Variants in CFAP91 observed in about 807,000 individuals in gnomAD.
CFAP91 encodes the protein cilia and flagella associated protein 91.
Under a neutral mutation model 95.9 loss-of-function variants are expected in CFAP91, and 85 were observed. The ratio of observed to expected loss-of-function variants is 0.89; its 90% CI spans 0.74 to 1.06. The LOEUF (loss-of-function observed/expected upper bound fraction) is 1.06, where lower values mean the gene tolerates loss of function less well. Among genes scored for constraint, CFAP91 ranks in the 50% least tolerant of loss-of-function variants. CFAP91 has a pLI of 0.00. For synonymous variants in CFAP91, 335 were observed against 327.5 expected (o/e 1.02, Z -0.25); for missense variants, 962 against 943.4 (o/e 1.02, Z -0.26).
chr3:119,733,965 A>T (rs756048533), intron 10 of CFAP91, among the ~76,000 whole-genome samples: 1 of 152,214 alleles, frequency 6.6e-6, no homozygotes, highest in Non-Finnish European at 1.5e-5. Context: ...ACAGTACGTC[A>T]TCCACCAGCT....
At chr3:119,750,561 C>T (rs144423504) in intron 16 of CFAP91, 2 of 218,704 alleles carry the variant, frequency 9.1e-6, no homozygotes, top group Non-Finnish European at 1.8e-5. Flanking sequence ...AGATATCAAA[C>T]GAAATGTAAC....
At position 119,728,659 on chromosome 3, in the gene CFAP91, A is replaced by G. The variant is rs74418777; in HGVS notation, c.861-1561A>G. Among the ~76,000 whole-genome samples the G allele has an allele frequency of 7.3e-3, 1,107 of 152,248 alleles. 7 individuals carry two copies. Among genetic ancestry groups the G allele is most frequent in the Middle Eastern group, 0.037 (11 of 294 alleles). The stretch of plus-strand genomic sequence containing the variant: ...CTACACTCTCGCCCCTCTCAAGTGC[A>G]TTCACTCTGAGAAACCCTGCCAGTG... On this transcript the variant is annotated intron_variant, in intron 7 of 17. Coordinates refer to ENST00000273390, the MANE Select transcript of CFAP91 (RefSeq NM_033364.4).
intron 4 of CFAP91, among the ~76,000 whole-genome samples, chr3:119,709,162 T>C (rs2053429861): frequency 6.6e-6 from 1 of 152,222 alleles, no homozygotes; most frequent in Non-Finnish European, 1.5e-5. Context: ...ATTTGTGATT[T>C]ATGCTTATGT....
intron 17 of CFAP91, among the ~76,000 whole-genome samples, chr3:119,752,146 TCTG>T (rs2054338191): frequency 6.6e-6 from 1 of 152,184 alleles, no homozygotes; most frequent in South Asian, 2.1e-4. Flanking sequence ...TAGAGGCACA[TCTG>T]CTGCTGTTTT....
Position 119,726,237 on chromosome 3 carries a change from G to T in CFAP91, c.749G>T (p.Trp250Leu). The change falls in exon 7 of 18, where the codon TGG (tryptophan) becomes TTG (leucine). Residue 250 changes from tryptophan (W) to leucine (L), a missense_variant. Physicochemically the swap from Trp to Leu is moderately conservative, Grantham distance 61 (BLOSUM62 -2). Transcript: ENST00000273390. ...MIERAREKRA[W>L]EASLPALSDT... is the part of the protein sequence containing the mutation. ...GAAAGAGCCCGCGAGAAGCGTGCTT[G>T]GGAAGCCTCTCTCCCCGCTCTGAGT... The T allele has an allele frequency of 6.2e-7, 1 of 1,613,810 alleles. No homozygotes were observed. The highest frequency in any genetic ancestry group is 8.5e-7 in the Non-Finnish European group (1 of 1,179,856).
At chr3:119,762,060 G>T (rs2054546912) in intron 17 of CFAP91, among the ~76,000 whole-genome samples, 1 of 151,800 alleles carries the variant, frequency 6.6e-6, no homozygotes, top group African/African-American at 2.4e-5. Context: ...GTTTTTCTTT[G>T]CAGGTGACAT....
At chr3:119,726,405 CT>C in intron 7 of CFAP91, 57 bp downstream of exon 7, 1 of 1,461,492 alleles carries the variant, frequency 6.8e-7, no homozygotes, top group Non-Finnish European at 9.2e-7. Flanking sequence ...AATGTTAATA[CT>C]TTATATCTGC....
chr3:119,725,868 A>C (rs894526847), intron 6 of CFAP91, among the ~76,000 whole-genome samples: 1 of 152,202 alleles, frequency 6.6e-6, no homozygotes, highest in Non-Finnish European at 1.5e-5. Context: ...CAGTATATAA[A>C]TTTGTTTATT....
At chr3:119,758,607 CT>C (rs2054476911) in intron 17 of CFAP91, among the ~76,000 whole-genome samples, 1 of 151,894 alleles carries the variant, frequency 6.6e-6, no homozygotes, top group Non-Finnish European at 1.5e-5. Context: ...TAATGACCTG[CT>C]AAAAAGAAAA....
intron 7 of CFAP91, among the ~76,000 whole-genome samples, chr3:119,729,856 C>A (rs995446537): frequency 6.6e-6 from 1 of 152,152 alleles, no homozygotes; most frequent in African/African-American, 2.4e-5. Context: ...AACCGCATTT[C>A]CTCTTCACTC....
chr3:119,738,609 A>G (rs967088823), intron 11 of CFAP91, among the ~76,000 whole-genome samples: 1 of 151,890 alleles, frequency 6.6e-6, no homozygotes, highest in Admixed American at 6.6e-5. Context: ...CTGGCCTCCC[A>G]AAGTGCTAGG....
At chr3:119,759,923 A>G (rs116765696) in intron 17 of CFAP91, among the ~76,000 whole-genome samples, 167 of 152,040 alleles carry the variant, frequency 1.1e-3, no homozygotes, top group African/African-American at 3.7e-3. Flanking sequence ...GGCGCTAGAG[A>G]AAGTCACCTA....
chr3:119,706,675 C>T (rs1023871346), intron 1 of CFAP91, 134 bp from the exon 2 acceptor site: 2 of 667,176 alleles, frequency 3.0e-6, no homozygotes, highest in Non-Finnish European at 5.3e-6. Context: ...AGAGCATGAG[C>T]TGCTGCAGAG....
chr3:119,734,207 C>T (rs1027706196), intron 10 of CFAP91, among the ~76,000 whole-genome samples: 12 of 152,134 alleles, frequency 7.9e-5, no homozygotes, highest in African/African-American at 2.7e-4. Context: ...AACCACACCT[C>T]GAGGCCCACT....
At chr3:119,739,386 C>T in intron 12 of CFAP91, 60 bp downstream of exon 12, 1 of 1,476,508 alleles carries the variant, frequency 6.8e-7, no homozygotes, top group South Asian at 1.1e-5. Context: ...TTTTAGAATG[C>T]ATATGTGCTT....
At chr3:119,729,968 C>T (rs2053862398) in intron 7 of CFAP91, among the ~76,000 whole-genome samples, 1 of 152,180 alleles carries the variant, frequency 6.6e-6, no homozygotes, top group African/African-American at 2.4e-5. Flanking sequence ...CCTTCTTTTA[C>T]CCCATCTGCC....
chr3:119,741,250 A>C (rs2054116006), intron 13 of CFAP91, among the ~76,000 whole-genome samples: 1 of 152,202 alleles, frequency 6.6e-6, no homozygotes, highest in South Asian at 2.1e-4. Context: ...CATTCTTTTC[A>C]ACTTTAAGAT....
intron 17 of CFAP91, among the ~76,000 whole-genome samples, chr3:119,760,415 C>A (rs146186588): frequency 1.1e-3 from 170 of 151,820 alleles, no homozygotes; most frequent in African/African-American, 3.5e-3. Flanking sequence ...GGAGGGAGAG[C>A]TAGACTGTAA....
chr3:119,743,364 C>T (rs1032357541), intron 13 of CFAP91, among the ~76,000 whole-genome samples: 4 of 152,010 alleles, frequency 2.6e-5, no homozygotes, highest in Admixed American at 6.5e-5. Flanking sequence ...GTGATCCACC[C>T]GCCTCAGCCT....
Sources: gnomAD v4.1 joint callset for allele counts (sites outside exome capture counted in the v4.1 genomes callset) on GRCh38, gnomAD v4.1.1 for gene constraint, MANE v1.5 for transcripts, NCBI Gene and HGNC (gene_info 2026-07-23, HGNC 2026-07-21) for gene names.